The following WDFY3 variants were observed in gnomAD, a reference collection of about 807,000 sequenced individuals.
The protein encoded by WDFY3 is WD repeat and FYVE domain containing 3.
WDFY3 carries 66 observed loss-of-function variants against 409.6 expected under a neutral mutation model. That is an observed-to-expected ratio of 0.16 (90% confidence interval 0.13 to 0.20). The LOEUF is 0.20. WDFY3 is among the 10% of genes least tolerant of loss of function. WDFY3 has a pLI of 1.00. For missense variants in WDFY3, 3,031 were observed against 4,298.1 expected, an observed-to-expected ratio of 0.71 and a Z score of 8.24; for synonymous variants, 1,521 against 1,537.1, an observed-to-expected ratio of 0.99 and a Z score of 0.25.
chr4:84,821,764 A>G (rs1039088647), intron 10 of WDFY3, among the ~76,000 whole-genome samples: 3 of 152,242 alleles, frequency 2.0e-5, no homozygotes, highest in African/African-American at 4.8e-5. Context: ...ATTATTATGA[A>G]TATTTCAATT....
At chr4:84,750,505 C>A (rs1740336970) in intron 36 of WDFY3, among the ~76,000 whole-genome samples, 1 of 152,102 alleles carries the variant, frequency 6.6e-6, no homozygotes, top group Non-Finnish European at 1.5e-5. Flanking sequence ...TGTCAAACTG[C>A]TGAGAGACAG....
intron 5 of WDFY3, chr4:84,844,386 A>G (rs1275074685): frequency 8.0e-6 from 10 of 1,257,670 alleles, no homozygotes; most frequent in Non-Finnish European, 1.0e-5. Context: ...GAAAAACAAT[A>G]TTAGAACTCA....
At chr4:84,880,660 A>G (rs772946893) in intron 3 of WDFY3, among the ~76,000 whole-genome samples, 3 of 119,456 alleles carry the variant, frequency 2.5e-5, no homozygotes, top group Non-Finnish European at 5.1e-5. Flanking sequence ...GTGTTTGTCA[A>G]TAAGGGAACC....
intron 33 of WDFY3, among the ~76,000 whole-genome samples, chr4:84,756,116 A>C (rs1741392365): frequency 1.3e-5 from 2 of 152,220 alleles, no homozygotes; most frequent in Admixed American, 6.5e-5. Flanking sequence ...AACAGTCTTC[A>C]ATTAGAAGTC....
intron 13 of WDFY3, among the ~76,000 whole-genome samples, chr4:84,817,153 T>G (rs914978037): frequency 6.6e-6 from 1 of 152,082 alleles, no homozygotes; most frequent in African/African-American, 2.4e-5. Context: ...AATATTTAAT[T>G]TAAGAGTTCC....
At chr4:84,846,488 T>C (rs1204728577) in intron 5 of WDFY3, among the ~76,000 whole-genome samples, 2 of 151,744 alleles carry the variant, frequency 1.3e-5, no homozygotes, top group Non-Finnish European at 1.5e-5. Flanking sequence ...TAAAGGGAGT[T>C]AGGAAAACAA....
chr4:84,835,296 A>C (rs1287024814), intron 7 of WDFY3, among the ~76,000 whole-genome samples: 1 of 152,214 alleles, frequency 6.6e-6, no homozygotes. Flanking sequence ...CTGCTATTCT[A>C]ATCAGCAAAG....
intron 1 of WDFY3, among the ~76,000 whole-genome samples, chr4:84,936,447 G>C (rs1412048380): frequency 6.6e-6 from 1 of 152,080 alleles, no homozygotes; most frequent in Non-Finnish European, 1.5e-5. Context: ...CTTAAGTCCA[G>C]GAGATTGAGG....
chr4:84,811,496 T>C (rs1268149949), intron 13 of WDFY3, among the ~76,000 whole-genome samples: 1 of 152,006 alleles, frequency 6.6e-6, no homozygotes, highest in African/African-American at 2.4e-5. Context: ...CTCCAAAGAC[T>C]ATACAACTTA....
chr4:84,953,041 A>T (rs1459264122), intron 1 of WDFY3, among the ~76,000 whole-genome samples: 2 of 152,248 alleles, frequency 1.3e-5, no homozygotes, highest in East Asian at 3.9e-4. Flanking sequence ...GTATCCCTCA[A>T]CTATCAAATG....
intron 3 of WDFY3, among the ~76,000 whole-genome samples, chr4:84,892,768 T>C (rs1765121302): frequency 6.6e-6 from 1 of 152,222 alleles, no homozygotes; most frequent in Non-Finnish European, 1.5e-5. Flanking sequence ...GAGTTTAGAT[T>C]CTCATGAGAC....
intron 13 of WDFY3, among the ~76,000 whole-genome samples, chr4:84,817,040 T>G (rs1753400575): frequency 6.6e-6 from 1 of 152,168 alleles, no homozygotes. Flanking sequence ...GTGTATAAAA[T>G]GCCAAATCTA....
At chr4:84,882,094 T>C (rs1763615107) in intron 3 of WDFY3, among the ~76,000 whole-genome samples, 1 of 152,166 alleles carries the variant, frequency 6.6e-6, no homozygotes, top group African/African-American at 2.4e-5. Flanking sequence ...TAAGAATGCC[T>C]GTTATGTCTG....
At chr4:84,714,651 A>G (rs1416675166) in intron 50 of WDFY3, among the ~76,000 whole-genome samples, 1 of 152,158 alleles carries the variant, frequency 6.6e-6, no homozygotes, top group Admixed American at 6.5e-5. Flanking sequence ...TTTTGAAACT[A>G]AAGTTTTATT....
rs1006548247 is a variant in WDFY3, at chr4:84,817,907, T to C, written c.1694-322A>G. ...GAGACTCTCTATTGTAATCAACTTA[T>C]GTAAAAGGCTTTCAGAGGAACAATA... is the stretch of plus-strand genomic sequence containing the variant. On this transcript the variant is annotated intron_variant, in intron 12 of 67. Transcript: ENST00000295888. 2.6e-5 allele frequency among the ~76,000 whole-genome samples: 4 copies of C among 152,282 alleles called. No individual in the cohort carries two copies. In the East Asian group the frequency reaches 7.7e-4, roughly 29 times the overall value.
chr4:84,788,314 G>C (rs986581030), intron 22 of WDFY3, among the ~76,000 whole-genome samples: 3 of 152,090 alleles, frequency 2.0e-5, no homozygotes, highest in Non-Finnish European at 4.4e-5. Flanking sequence ...ATATTAAACA[G>C]CAGTTCTTGG....
intron 51 of WDFY3, among the ~76,000 whole-genome samples, chr4:84,712,941 A>G (rs1194908881): frequency 6.6e-6 from 1 of 152,218 alleles, no homozygotes; most frequent in African/African-American, 2.4e-5. Flanking sequence ...CTCATGCTTT[A>G]AAGAACAGAA....
Position 84,798,026 on chromosome 4 carries a change from T to C in WDFY3, c.2905A>G (p.Ser969Gly). 1 of 1,612,906 alleles carries C rather than the reference T, an allele frequency of 6.2e-7. No homozygotes were observed. The highest frequency in any genetic ancestry group is 8.5e-7 in the Non-Finnish European group (1 of 1,179,554). The change falls in exon 18 of 68, where the codon AGT becomes GGT. Residue 969 changes from serine (S) to glycine (G), a missense_variant. Physicochemically the swap from Ser to Gly is moderately conservative, Grantham distance 56. Transcript: ENST00000295888. Reference sequence around the variant, plus strand: ...ATTTCTGGTTCATAACTCAGTGAACTTGGTTTGTGGACCCTATATTGTTTT... The same window carrying C: ...ATTTCTGGTTCATAACTCAGTGAACCTGGTTTGTGGACCCTATATTGTTTT... ...LLKQYRVHKP[S>G]SLSYEPEMRS...
At chr4:84,684,375 C>T (rs1404714647) in intron 62 of WDFY3, among the ~76,000 whole-genome samples, 4 of 152,172 alleles carry the variant, frequency 2.6e-5, no homozygotes, top group African/African-American at 4.8e-5. Flanking sequence ...AGACAAAGGG[C>T]AGGTCCACGT....
Sources: allele counts gnomAD v4.1 joint callset (sites outside exome capture counted in the v4.1 genomes callset), GRCh38; gene constraint gnomAD v4.1.1; transcripts MANE v1.5; gene names NCBI Gene and HGNC (gene_info 2026-07-23, HGNC 2026-07-21).